The following DCUN1D2 variants were observed in gnomAD, a reference collection of about 807,000 sequenced individuals.
DCUN1D2 encodes defective in cullin neddylation 1 domain containing 2, also known as DCN1-like protein 2.
In DCUN1D2, 29 loss-of-function variants were observed where a neutral mutation model predicts 30.9. That is an observed-to-expected ratio of 0.94 (90% CI 0.70 to 1.28). The LOEUF is 1.28. Among genes scored for constraint, DCUN1D2 ranks in the 50% most tolerant of loss-of-function variants. DCUN1D2 has a pLI of 0.00. For synonymous variants in DCUN1D2, 121 were observed against 115.3 expected, an observed-to-expected ratio of 1.05 and a Z score of -0.32; for missense variants, 325 against 316.9, an observed-to-expected ratio of 1.03 and a Z score of -0.19.
In DCUN1D2 at chr13:113,457,917, T is replaced by C. The variant is rs530353259; in HGVS notation, c.*112A>G. The C allele has an allele frequency of 4.4e-4, 460 of 1,048,206 alleles. 5 individuals are homozygous for C. The South Asian group carries it at 6.0e-3, about 14-fold the overall frequency. 64.9% of individuals were successfully genotyped at this position (1,048,206 alleles called of 1,614,324 possible). On this transcript the variant is annotated 3_prime_UTR_variant, in exon 7 of 7. Coordinates refer to ENST00000478244, the MANE Select transcript of DCUN1D2 (RefSeq NM_001014283.2). ...GAATGGGATGGCGCCTCTGGTTTCA[T>C]GGCTGGTCAAGAATGACTTCTGGAA...
At chr13:113,466,546 T>C (rs1003259288) in intron 4 of DCUN1D2, among the ~76,000 whole-genome samples, 1 of 152,196 alleles carries the variant, frequency 6.6e-6, no homozygotes, top group Non-Finnish European at 1.5e-5. Flanking sequence ...TCAGTGCCTT[T>C]AGAATAAACA....
chr13:113,490,441 G>A lies in DCUN1D2; in HGVS notation c.3+226C>T. ...CCCCGCCCTCCGCTCACTCCCGGTC[G>A]TCCCTCGCGGCTCCGGGTCAAACCC... On this transcript the variant is annotated intron_variant, in intron 1 of 6. Transcript: ENST00000478244. The surrounding 1 kb of genome is among the most constrained non-coding windows in gnomAD (Gnocchi z 5.2). 2.6e-6 allele frequency: 1 copy of A among 385,474 alleles called. No homozygotes were observed. Among genetic ancestry groups the A allele is most frequent in the Non-Finnish European group, 4.5e-6 (1 of 223,300 alleles). 23.9% of individuals were successfully genotyped at this position (385,474 alleles called of 1,614,324 possible).
At chr13:113,477,498 C>T (rs376264176) in intron 3 of DCUN1D2, among the ~76,000 whole-genome samples, 1 of 152,168 alleles carries the variant, frequency 6.6e-6, no homozygotes, top group East Asian at 1.9e-4. Context: ...GTTTGGCTAA[C>T]GTCACTATTG....
intron 1 of DCUN1D2, chr13:113,489,181 G>C: frequency 1.0e-6 from 1 of 983,674 alleles, no homozygotes; most frequent in Non-Finnish European, 1.2e-6. Context: ...ACGCTAGAGG[G>C]AGGGGGAGTT....
chr13:113,489,050 G>T (rs929330183), intron 1 of DCUN1D2: 3 of 919,998 alleles, frequency 3.3e-6, no homozygotes, highest in African/African-American at 1.8e-5. Context: ...ATGTAAAATG[G>T]AAAGAAATTA....
intron 2 of DCUN1D2, 25 bp downstream of exon 2, chr13:113,483,815 C>T: frequency 6.2e-7 from 1 of 1,604,444 alleles, no homozygotes. Context: ...GACATCCGTC[C>T]GGCTTTGCTG....
intron 1 of DCUN1D2, among the ~76,000 whole-genome samples, chr13:113,484,816 TTGA>T (rs1397348001): frequency 6.6e-6 from 1 of 152,214 alleles, no homozygotes; most frequent in Non-Finnish European, 1.5e-5. Context: ...CTAAAGTAAC[TTGA>T]TGATGTAATC....
chr13:113,466,766 GT>G (rs2044409282), intron 4 of DCUN1D2, among the ~76,000 whole-genome samples: 1 of 144,562 alleles, frequency 6.9e-6, no homozygotes, highest in Non-Finnish European at 1.5e-5. Context: ...ATGGCATATT[GT>G]TAAAGAATCC....
chr13:113,479,675 A>T (rs1313811975), intron 3 of DCUN1D2, among the ~76,000 whole-genome samples: 1 of 152,216 alleles, frequency 6.6e-6, no homozygotes, highest in Non-Finnish European at 1.5e-5. Flanking sequence ...GTGAGCCAAG[A>T]TCGTGCCACT....
chr13:113,477,222 T>C (rs1425551917), intron 3 of DCUN1D2, among the ~76,000 whole-genome samples: 1 of 152,230 alleles, frequency 6.6e-6, no homozygotes, highest in African/African-American at 2.4e-5. Context: ...ACATTCAATA[T>C]AAAAAGCTAA....
In DCUN1D2 at chr13:113,480,853, G is replaced by A. The variant is rs2044696406; in HGVS notation, c.221-110C>T. ...TATACTACATAGTTCTAGCAAGCGT[G>A]TTTCCAATACATCAATCAATAGGCT... On this transcript the variant is annotated intron_variant, in intron 2 of 6. Coordinates refer to ENST00000478244, the MANE Select transcript of DCUN1D2 (RefSeq NM_001014283.2). 2.7e-6 allele frequency: 3 copies of A among 1,105,610 alleles called. No individual in the cohort carries two copies. The South Asian group carries it at 4.6e-5, about 17-fold the overall frequency. The allele number at this position is 1,105,610 out of a possible 1,614,324, so 68.5% of individuals were successfully genotyped here.
At chr13:113,476,112 C>T (rs2044613623) in intron 3 of DCUN1D2, 1 of 152,212 alleles carries the variant, frequency 6.6e-6, no homozygotes, top group Non-Finnish European at 1.5e-5. Flanking sequence ...TTTTATGATT[C>T]ATAAACGCTA....
chr13:113,468,186 T>C (rs1383593302), intron 4 of DCUN1D2, among the ~76,000 whole-genome samples: 1 of 152,124 alleles, frequency 6.6e-6, no homozygotes, highest in African/African-American at 2.4e-5. Context: ...ACGTGGTCTA[T>C]GCACACAGGG....
At chr13:113,487,197 G>A (rs1215423261) in intron 1 of DCUN1D2, among the ~76,000 whole-genome samples, 7 of 152,138 alleles carry the variant, frequency 4.6e-5, no homozygotes, top group Admixed American at 4.6e-4. Flanking sequence ...AAGGGAGGGT[G>A]AGCAAAGCCA....
intron 1 of DCUN1D2, among the ~76,000 whole-genome samples, chr13:113,487,921 C>A (rs2044836798): frequency 6.6e-6 from 1 of 152,166 alleles, no homozygotes; most frequent in Admixed American, 6.5e-5. Flanking sequence ...GACTAATATA[C>A]TCTTCGGCGA....
chr13:113,490,829 G>T, upstream of DCUN1D2: 1 of 572,354 alleles, frequency 1.7e-6, no homozygotes, highest in Non-Finnish European at 2.4e-6. This position sits in a 1 kb window ranked among gnomAD's most constrained non-coding sequence, Gnocchi z 5.2. Context: ...GCCGCCCGGG[G>T]GCCCACGGGA....
chr13:113,485,769 A>G (rs2044791611), intron 1 of DCUN1D2, among the ~76,000 whole-genome samples: 1 of 152,022 alleles, frequency 6.6e-6, no homozygotes, highest in Admixed American at 6.6e-5. Context: ...TCCCGTGTGC[A>G]TCTGGGATCC....
intron 2 of DCUN1D2, 149 bp from the exon 3 acceptor site, chr13:113,480,892 A>G (rs2044696854): frequency 1.6e-6 from 1 of 644,388 alleles, no homozygotes; most frequent in African/African-American, 1.9e-5. Context: ...GTTTTCTACT[A>G]CACATGAAAG....
chr13:113,479,720 C>T (rs1037618505), intron 3 of DCUN1D2, among the ~76,000 whole-genome samples: 2 of 152,056 alleles, frequency 1.3e-5, no homozygotes, highest in African/African-American at 4.8e-5. Context: ...AAGACTCCAT[C>T]TCAAAAAACA....
Sources: gnomAD v4.1 joint callset for allele counts (sites outside exome capture counted in the v4.1 genomes callset) on GRCh38, gnomAD v4.1.1 for gene constraint, Gnocchi (gnomAD v3.1) non-coding constraint, MANE v1.5 for transcripts, NCBI Gene and HGNC (gene_info 2026-07-23, HGNC 2026-07-21) for gene names.